The following BRD10 variants were observed in gnomAD, a reference collection of about 807,000 sequenced individuals.
BRD10 encodes bromodomain containing 10.
At chr9:6,007,935 G>T in the BRD10 span, 1,338 of 1,331,480 alleles carry the variant, frequency 1.0e-3, no homozygotes, top group Non-Finnish European at 1.2e-3. Context: ...GGCTCGGCTC[G>T]GTGCGCGCGG....
At chr9:5,921,669 C>T in the BRD10 span, 1 of 1,613,886 alleles carries the variant, frequency 6.2e-7, no homozygotes, top group Non-Finnish European at 8.5e-7. Context: ...GTGATATAAT[C>T]TACTTGTTGC....
At chr9:5,969,477 G>A in the BRD10 span, 1 of 1,278,730 alleles carries the variant, frequency 7.8e-7, no homozygotes, top group South Asian at 1.6e-5. Context: ...TATTCAGAGG[G>A]TACCATAAAA....
chr9:5,945,498 A>T, the BRD10 span, among the ~76,000 whole-genome samples: 1 of 152,122 alleles, frequency 6.6e-6, no homozygotes, highest in African/African-American at 2.4e-5. Flanking sequence ...TGAAGTACAC[A>T]TTCTTAATAT....
At chr9:5,944,760 G>A in the BRD10 span, 1 of 526,020 alleles carries the variant, frequency 1.9e-6, no homozygotes, top group African/African-American at 2.0e-5. Context: ...ATCTTTCATG[G>A]TAAATTTTCA....
chr9:5,990,450 C>T, the BRD10 span, among the ~76,000 whole-genome samples: 134,675 of 152,104 alleles, frequency 0.89, 60,687 homozygotes, highest in Non-Finnish European at 0.99. Context: ...ATAAGGAAAA[C>T]TGAGAAAAAT....
the BRD10 span, among the ~76,000 whole-genome samples, chr9:5,947,246 AAC>A: frequency 6.6e-6 from 1 of 152,100 alleles, no homozygotes; most frequent in Non-Finnish European, 1.5e-5. Flanking sequence ...ATCTTAATAA[AAC>A]AGTTTTTTGT....
chr9:5,927,827 C>T, the BRD10 span, among the ~76,000 whole-genome samples: 1,230 of 152,182 alleles, frequency 8.1e-3, 21 homozygotes, highest in Admixed American at 0.027. Context: ...GTCTAATGCT[C>T]GCTTTTCTTT....
chr9:5,967,463 C>T, the BRD10 span, among the ~76,000 whole-genome samples: 1 of 151,868 alleles, frequency 6.6e-6, no homozygotes, highest in Admixed American at 6.6e-5. Context: ...CAGAAATATG[C>T]TTCATGTCTT....
At chr9:5,977,696 G>A in the BRD10 span, among the ~76,000 whole-genome samples, 281 of 152,232 alleles carry the variant, frequency 1.8e-3, 1 homozygote, top group African/African-American at 6.3e-3. Context: ...TTAGCTGGGC[G>A]TGGTGGCAAG....
At chr9:5,948,043 T>G in the BRD10 span, among the ~76,000 whole-genome samples, 2 of 152,138 alleles carry the variant, frequency 1.3e-5, no homozygotes, top group Non-Finnish European at 2.9e-5. Flanking sequence ...AGAAGAGTTT[T>G]ATCTCCCAGC....
the BRD10 span, chr9:5,922,801 T>C: frequency 8.7e-6 from 14 of 1,614,026 alleles, no homozygotes; most frequent in Middle Eastern, 1.6e-4. Flanking sequence ...GCATTTTGTA[T>C]ACCATTTGTA....
At chr9:5,919,943 G>T in the BRD10 span, 1 of 1,614,010 alleles carries the variant, frequency 6.2e-7, no homozygotes, top group Non-Finnish European at 8.5e-7. Flanking sequence ...AGAAACCAAA[G>T]ATGTCTTAGC....
At chr9:6,003,608 C>A in the BRD10 span, among the ~76,000 whole-genome samples, 1 of 152,052 alleles carries the variant, frequency 6.6e-6, no homozygotes, top group African/African-American at 2.4e-5. Context: ...ATTTAAAAAT[C>A]TGTGTTGGGA....
the BRD10 span, chr9:5,954,083 A>G: frequency 6.5e-7 from 1 of 1,546,802 alleles, no homozygotes. Context: ...TTTTTTAGAG[A>G]CGGATTTTTT....
At chr9:5,889,468 C>T in the BRD10 span, among the ~76,000 whole-genome samples, 1 of 152,154 alleles carries the variant, frequency 6.6e-6, no homozygotes, top group East Asian at 1.9e-4. Context: ...GTCTTCATTG[C>T]AATGGTTCCT....
At chr9:5,919,676 G>A in the BRD10 span, 2 of 1,587,336 alleles carry the variant, frequency 1.3e-6, no homozygotes, top group Non-Finnish European at 1.7e-6. Flanking sequence ...GGCTCTTTTA[G>A]TCTAAATTCA....
At chr9:5,893,351 T>C in the BRD10 span, among the ~76,000 whole-genome samples, 1 of 152,276 alleles carries the variant, frequency 6.6e-6, no homozygotes, top group Admixed American at 6.5e-5. Context: ...GACAACACCC[T>C]CTTATGTGGT....
chr9:5,976,336 G>A, the BRD10 span, among the ~76,000 whole-genome samples: 2 of 152,144 alleles, frequency 1.3e-5, no homozygotes, highest in Non-Finnish European at 2.9e-5. Flanking sequence ...GAGAAGGGTA[G>A]AATATTTTTC....
the BRD10 span, among the ~76,000 whole-genome samples, chr9:5,959,732 TA>T: frequency 9.9e-5 from 15 of 152,172 alleles, no homozygotes; most frequent in South Asian, 6.2e-4. Flanking sequence ...TCAAACACTG[TA>T]GATTACATTA....
Sources: gnomAD v4.1 joint callset for allele counts (sites outside exome capture counted in the v4.1 genomes callset) on GRCh38, gnomAD v4.1.1 for gene constraint, MANE v1.5 for transcripts, NCBI Gene and HGNC (gene_info 2026-07-23, HGNC 2026-07-21) for gene names.